SLC24A3: variants seen among roughly 807,000 people sequenced by gnomAD.
The protein encoded by SLC24A3 is solute carrier family 24 member 3.
SLC24A3 carries 28 observed loss-of-function variants against 75.8 expected under a neutral mutation model. That is an observed-to-expected ratio of 0.37 (90% CI 0.27 to 0.51). The LOEUF is 0.51. Among genes scored for constraint, SLC24A3 ranks in the 20% least tolerant of loss-of-function variants. SLC24A3 has a pLI of 0.94. For missense variants in SLC24A3, 663 were observed against 847.8 expected (o/e 0.78, Z 2.71); for synonymous variants, 372 against 334.1 (o/e 1.11, Z -1.24).
chr20:19,608,254 G>A (rs1488572638), intron 6 of SLC24A3, among the ~76,000 whole-genome samples: 1 of 152,182 alleles, frequency 6.6e-6, no homozygotes, highest in East Asian at 1.9e-4. Flanking sequence ...GATTGTTCTG[G>A]TATTTGCTTT....
chr20:19,612,793 G>A lies in SLC24A3; in HGVS notation c.612+27249G>A, dbSNP rs189555749. 8.5e-5 allele frequency among the ~76,000 whole-genome samples: 13 copies of A among 152,234 alleles called. No individual in the cohort carries two copies. In the East Asian group the frequency reaches 2.5e-3, roughly 29 times the overall value. On this transcript the variant is annotated intron_variant, in intron 6 of 16. Transcript: ENST00000328041. Reference sequence around the variant, plus strand: ...CTGTTTCTTTCCTCATCTCCTGGTGGGTGCTCTGTGCCCCACCAAGCACTC... The same window carrying A: ...CTGTTTCTTTCCTCATCTCCTGGTGAGTGCTCTGTGCCCCACCAAGCACTC...
At chr20:19,514,737 G>C (rs1178139529) in intron 2 of SLC24A3, among the ~76,000 whole-genome samples, 1 of 152,198 alleles carries the variant, frequency 6.6e-6, no homozygotes, top group Non-Finnish European at 1.5e-5. Context: ...GGGACCGTCA[G>C]TTCACAGACT....
chr20:19,401,593 G>A (rs1245773069), intron 2 of SLC24A3, among the ~76,000 whole-genome samples: 1 of 152,190 alleles, frequency 6.6e-6, no homozygotes, highest in African/African-American at 2.4e-5. Context: ...GGACTGATTA[G>A]GAACCTGATT....
intron 2 of SLC24A3, among the ~76,000 whole-genome samples, chr20:19,507,688 A>G (rs1988481083): frequency 6.6e-6 from 1 of 152,224 alleles, no homozygotes. Flanking sequence ...AAAGGGATGT[A>G]GAAATACTCC....
At chr20:19,461,006 A>G (rs3790217) in intron 2 of SLC24A3, among the ~76,000 whole-genome samples, 1 of 151,940 alleles carries the variant, frequency 6.6e-6, no homozygotes, top group African/African-American at 2.4e-5. Flanking sequence ...AAGCAGTTTT[A>G]TTAGCCAGCG....
At chr20:19,414,527 A>T (rs1986796296) in intron 2 of SLC24A3, among the ~76,000 whole-genome samples, 1 of 152,208 alleles carries the variant, frequency 6.6e-6, no homozygotes, top group African/African-American at 2.4e-5. Flanking sequence ...AAGATATAAC[A>T]TTAGTAGAAC....
intron 2 of SLC24A3, among the ~76,000 whole-genome samples, chr20:19,399,506 T>C (rs979036566): frequency 6.6e-6 from 1 of 152,242 alleles, no homozygotes; most frequent in East Asian, 1.9e-4. Context: ...GACAAATTGA[T>C]TATTTAGAAA....
At chr20:19,364,221 G>A (rs1256326473) in intron 2 of SLC24A3, among the ~76,000 whole-genome samples, 1 of 152,038 alleles carries the variant, frequency 6.6e-6, no homozygotes, top group African/African-American at 2.4e-5. Flanking sequence ...GTAGATGGAG[G>A]ACTTGAACCC....
At chr20:19,380,612 G>T (rs1037858468) in intron 2 of SLC24A3, among the ~76,000 whole-genome samples, 5 of 152,166 alleles carry the variant, frequency 3.3e-5, no homozygotes, top group Non-Finnish European at 1.5e-5. Flanking sequence ...GCTCTTGGCT[G>T]ATTTAGTCTC....
intron 3 of SLC24A3, among the ~76,000 whole-genome samples, chr20:19,530,866 C>T (rs1018051841): frequency 1.3e-5 from 2 of 152,110 alleles, no homozygotes; most frequent in African/African-American, 4.8e-5. Flanking sequence ...CCCACCTGTC[C>T]AGAGTAAACA....
chr20:19,324,426 A>C (rs1349881737), intron 2 of SLC24A3, among the ~76,000 whole-genome samples: 4 of 152,214 alleles, frequency 2.6e-5, no homozygotes, highest in Non-Finnish European at 5.9e-5. Flanking sequence ...CATTTATCAC[A>C]AGACATTTTC....
intron 1 of SLC24A3, among the ~76,000 whole-genome samples, chr20:19,256,080 T>C (rs907474479): frequency 7.3e-5 from 11 of 151,292 alleles, no homozygotes; most frequent in Non-Finnish European, 1.3e-4. Context: ...GCCTGCGTGA[T>C]CGAACGAGAC....
chr20:19,267,034 A>G (rs896020395), intron 1 of SLC24A3, among the ~76,000 whole-genome samples: 1 of 152,194 alleles, frequency 6.6e-6, no homozygotes, highest in African/African-American at 2.4e-5. Context: ...AGATAAATGT[A>G]ATAGGAATAA....
At chr20:19,657,188 G>A (rs1257677305) in intron 7 of SLC24A3, among the ~76,000 whole-genome samples, 1 of 152,218 alleles carries the variant, frequency 6.6e-6, no homozygotes. Context: ...TTTGTGATTT[G>A]AGAAAAATTA....
At chr20:19,705,581 CT>C (rs1486097896) in intron 15 of SLC24A3, among the ~76,000 whole-genome samples, 1 of 152,220 alleles carries the variant, frequency 6.6e-6, no homozygotes, top group African/African-American at 2.4e-5. Context: ...TCAAAAGCCT[CT>C]TTCATGTAGC....
intron 1 of SLC24A3, among the ~76,000 whole-genome samples, chr20:19,236,593 A>G (rs1034815920): frequency 7.9e-5 from 12 of 152,232 alleles, no homozygotes; most frequent in Non-Finnish European, 1.0e-4. Flanking sequence ...CTCTGCAAAA[A>G]AAATATGCAA....
At chr20:19,680,985 C>T (rs1024299609) in intron 9 of SLC24A3, among the ~76,000 whole-genome samples, 4 of 152,122 alleles carry the variant, frequency 2.6e-5, no homozygotes, top group Non-Finnish European at 5.9e-5. Context: ...GGCCAGTAAA[C>T]GATGGAGGGG....
At chr20:19,379,146 G>A (rs1315366090) in intron 2 of SLC24A3, among the ~76,000 whole-genome samples, 1 of 152,136 alleles carries the variant, frequency 6.6e-6, no homozygotes, top group African/African-American at 2.4e-5. Flanking sequence ...GTGCTCTACG[G>A]AATGTGATTA....
chr20:19,633,595 G>C (rs2031963732), intron 6 of SLC24A3, among the ~76,000 whole-genome samples: 1 of 137,450 alleles, frequency 7.3e-6, no homozygotes, highest in Non-Finnish European at 1.5e-5. Flanking sequence ...CTTGCAGTGA[G>C]CCGAGATCCC....
Sources: gnomAD v4.1 joint callset for allele counts (sites outside exome capture counted in the v4.1 genomes callset) on GRCh38, gnomAD v4.1.1 for gene constraint, MANE v1.5 for transcripts, NCBI Gene and HGNC (gene_info 2026-07-23, HGNC 2026-07-21) for gene names.